The following RFX2 variants were observed in gnomAD, a reference collection of about 807,000 sequenced individuals.
RFX2 encodes regulatory factor X2.
A neutral mutation model predicts 87.8 loss-of-function variants in RFX2; 20 were observed. The ratio of observed to expected loss-of-function variants is 0.23; its 90% CI spans 0.16 to 0.33. The LOEUF (loss-of-function observed/expected upper bound fraction) is 0.33, where lower values mean the gene tolerates loss of function less well. RFX2 is among the 10% of genes least tolerant of loss of function. The pLI is 1.00. For synonymous variants in RFX2, 397 were observed against 431.3 expected (o/e 0.92, Z 0.98); for missense variants, 767 against 1,012.3 (o/e 0.76, Z 3.29).
Position 6,007,761 on chromosome 19 carries a change from G to T in RFX2, c.1176C>A (p.Ile392=), listed in dbSNP as rs189822363. 3 of 1,555,222 alleles carry T rather than the reference G, an allele frequency of 1.9e-6. No individual in the cohort carries two copies. Among genetic ancestry groups the T allele is most frequent in the Non-Finnish European group, 2.6e-6 (3 of 1,148,416 alleles). The part of the protein sequence containing the change: ...DVVMNLQFHY[I]EKLWLSFWNS... ...TCCAGAAGGAGAGCCACAGCTTCTC[G>T]ATGTAGTGGAACTGGAGGTTCATCA... The change falls in exon 11 of 18, where the codon ATC becomes ATA. Residue 392 remains isoleucine (I), a synonymous_variant. Coordinates refer to ENST00000303657, the MANE Select transcript of RFX2 (RefSeq NM_000635.4). The surrounding 1 kb of genome is among the most constrained non-coding windows in gnomAD (Gnocchi z 8.2).
In RFX2 at chr19:6,011,650, T is replaced by C. The variant is rs1359042796; in HGVS notation, c.899+1336A>G. On this transcript the variant is annotated intron_variant, in intron 8 of 17. Transcript: ENST00000303657. This position sits in a 1 kb window ranked among gnomAD's most constrained non-coding sequence, Gnocchi z 4.8. ...CAACAGCAGTGAGCTCCAGAGTCCA[T>C]GTCTGCAGACAACGAGGTACAGAAG... is the stretch of plus-strand genomic sequence containing the variant. Among the ~76,000 whole-genome samples, 2 of 152,236 alleles carry C rather than the reference T, an allele frequency of 1.3e-5. No homozygotes were observed. Among genetic ancestry groups the C allele is most frequent in the African/African-American group, 2.4e-5 (1 of 41,458 alleles).
rs900884554 is a variant in RFX2 at position 6,056,233 on chromosome 19, G to C, written c.-8-8729C>G. Among the ~76,000 whole-genome samples, 3 of 152,338 alleles carry C rather than the reference G, an allele frequency of 2.0e-5. No homozygotes were observed. The East Asian group carries it at 5.8e-4, about 29-fold the overall frequency. On this transcript the variant is annotated intron_variant, in intron 1 of 17. Coordinates refer to ENST00000303657, the MANE Select transcript of RFX2 (RefSeq NM_000635.4). This position sits in a 1 kb window ranked among gnomAD's most constrained non-coding sequence, Gnocchi z 4.6. Reference sequence around the variant, plus strand: ...ATACAAGGGTGGAGAGGAGGACGGAGAGTGGGTACAGGTATCCAGGTGTTA... The same window carrying C: ...ATACAAGGGTGGAGAGGAGGACGGACAGTGGGTACAGGTATCCAGGTGTTA...
Position 6,084,791 on chromosome 19 carries a change from C to T in RFX2, c.-9+25602G>A, listed in dbSNP as rs372596128. On this transcript the variant is annotated intron_variant, in intron 1 of 17. Transcript: ENST00000303657. Reference sequence around the variant, plus strand: ...CTGGGATTACAGGTGCCTGCCACCACGCCCGGCTAATTTTATATTTTTAGT... The same window carrying T: ...CTGGGATTACAGGTGCCTGCCACCATGCCCGGCTAATTTTATATTTTTAGT... Among the ~76,000 whole-genome samples, 12 of 152,166 alleles carry T rather than the reference C, an allele frequency of 7.9e-5. No homozygotes were observed. In the East Asian group the frequency reaches 1.4e-3, roughly 17 times the overall value.
chr19:6,106,966 T>G (rs2088226052), intron 1 of RFX2, among the ~76,000 whole-genome samples: 1 of 151,862 alleles, frequency 6.6e-6, no homozygotes, highest in Non-Finnish European at 1.5e-5. Flanking sequence ...GGCCCCAGCA[T>G]TTTATGAGCA....
chr19:6,007,966 G>T lies in RFX2; in HGVS notation c.1134+140C>A, dbSNP rs2086606221. On this transcript the variant is annotated intron_variant, in intron 10 of 17. Coordinates refer to ENST00000303657, the MANE Select transcript of RFX2 (RefSeq NM_000635.4). The surrounding 1 kb of genome is among the most constrained non-coding windows in gnomAD (Gnocchi z 8.2). ...GCAGGCGATGGACATGGATGCGGAG[G>T]GGCTGCTGCTTCAGAGAGGATGCTT... 5.0e-6 allele frequency: 4 copies of T among 792,382 alleles called. No homozygotes were observed. The highest frequency in any genetic ancestry group is 8.6e-6 in the Non-Finnish European group (4 of 462,632). 49.1% of individuals were successfully genotyped at this position (792,382 alleles called of 1,614,324 possible). A position where few individuals can be genotyped will look rare whatever the true frequency, so the allele number is the denominator to read the frequency against.
intron 5 of RFX2, among the ~76,000 whole-genome samples, chr19:6,033,960 C>T (rs1195620044): frequency 1.3e-5 from 2 of 152,232 alleles, no homozygotes; most frequent in African/African-American, 4.8e-5. Flanking sequence ...GAGCGATTAT[C>T]ATCATGTGTG....
At chr19:6,005,999 A>G (rs2086574720) in intron 12 of RFX2, among the ~76,000 whole-genome samples, 1 of 152,162 alleles carries the variant, frequency 6.6e-6, no homozygotes, top group Admixed American at 6.5e-5. Flanking sequence ...GCATGCCCCC[A>G]GTGAACCTTC....
chr19:6,051,011 G>A (rs192240958), intron 1 of RFX2, among the ~76,000 whole-genome samples: 23 of 152,210 alleles, frequency 1.5e-4, no homozygotes, highest in African/African-American at 4.6e-4. Context: ...TGCTGGGGGG[G>A]AAAACCCTAT....
Position 5,994,925 on chromosome 19 carries a change from G to T in RFX2, c.2082C>A (p.Gly694=), listed in dbSNP as rs751866553. 2.5e-5 allele frequency: 40 copies of T among 1,608,320 alleles called. No homozygotes were observed. The highest frequency in any genetic ancestry group is 3.3e-5 in the Non-Finnish European group (39 of 1,179,820). Residue 694 remains glycine (G), a synonymous_variant, in exon 18 of 18, where the codon GGC becomes GGA. Transcript: ENST00000303657. ...DKDDMGDEQR[G]SEAGPDARSL... ...TGCGGGCGTCTGGGCCCGCCTCGCT[G>T]CCACGCTGCTCATCGCCCATGTCAT...
chr19:6,010,337 G>A lies in RFX2; in HGVS notation c.900-86C>T. On this transcript the variant is annotated intron_variant, in intron 8 of 17. Coordinates refer to ENST00000303657, the MANE Select transcript of RFX2 (RefSeq NM_000635.4). The surrounding 1 kb of genome is among the most constrained non-coding windows in gnomAD (Gnocchi z 5.0). ...AGACTGGGGGGCTGGGCAGGATTCA[G>A]TCAGGCATGTGTGTGTGATGTTTAC... 1 of 828,746 alleles carries A rather than the reference G, an allele frequency of 1.2e-6. No individual in the cohort carries two copies. The allele number at this position is 828,746 out of a possible 1,614,324, so 51.3% of individuals were successfully genotyped here.
At position 6,001,752 on chromosome 19, in the gene RFX2, C is replaced by G; in HGVS notation, c.1859+63G>C. ...GCTCACCAGCCGAGCCCCCTACCCT[C>G]TAGAAGTTTCTCTCAGAGCCCCCCA... On this transcript the variant is annotated intron_variant, in intron 15 of 17. Coordinates refer to ENST00000303657, the MANE Select transcript of RFX2 (RefSeq NM_000635.4). The surrounding 1 kb of genome is among the most constrained non-coding windows in gnomAD (Gnocchi z 5.6). 6.9e-7 allele frequency: 1 copy of G among 1,442,990 alleles called. No individual in the cohort carries two copies. The allele number at this position is 1,442,990 out of a possible 1,614,324, so 89.4% of individuals were successfully genotyped here.
chr19:6,088,495 G>T (rs1224321311), intron 1 of RFX2, among the ~76,000 whole-genome samples: 1 of 150,880 alleles, frequency 6.6e-6, no homozygotes, highest in Non-Finnish European at 1.5e-5. Context: ...CCAGGCTTGA[G>T]TCACCATGCC....
chr19:6,034,192 T>C (rs2144750541), intron 5 of RFX2, among the ~76,000 whole-genome samples: 1 of 150,330 alleles, frequency 6.7e-6, no homozygotes, highest in South Asian at 2.1e-4. Flanking sequence ...CACCTCAGCC[T>C]CCTTAGTAGC....
chr19:6,006,986 G>A (rs200931158), intron 12 of RFX2, 26 bp downstream of exon 12: 41 of 1,611,574 alleles, frequency 2.5e-5, no homozygotes, highest in African/African-American at 6.7e-5. Context: ...ATGGAGCAGC[G>A]CCGGGCGGGG....
chr19:6,042,237 C>T (rs1210108939), intron 3 of RFX2, 114 bp from the exon 4 acceptor site: 4 of 910,400 alleles, frequency 4.4e-6, no homozygotes, highest in Admixed American at 1.9e-5. Context: ...TACCAAATGA[C>T]AATGTTCCCG....
In RFX2 at chr19:5,997,452, A is replaced by C. The variant is rs1484687644; in HGVS notation, c.1860-239T>G. Reference sequence around the variant, plus strand: ...CAGTTCCAGAGACCACCTGGGGAACAGGAGAGGGAGATGGGCAGTCAGCCC... The same window carrying C: ...CAGTTCCAGAGACCACCTGGGGAACCGGAGAGGGAGATGGGCAGTCAGCCC... On this transcript the variant is annotated intron_variant, in intron 15 of 17. Transcript: ENST00000303657. The surrounding 1 kb of genome is among the most constrained non-coding windows in gnomAD (Gnocchi z 4.2). 6 of 461,032 alleles carry C rather than the reference A, an allele frequency of 1.3e-5. No homozygotes were observed. The highest frequency in any genetic ancestry group is 2.3e-5 in the Non-Finnish European group (6 of 260,872). The allele number at this position is 461,032 out of a possible 1,614,324, so 28.6% of individuals were successfully genotyped here. A position where few individuals can be genotyped will look rare whatever the true frequency, so the allele number is the denominator to read the frequency against.
In RFX2 at chr19:6,023,201, T is replaced by G. The variant is rs2086842733; in HGVS notation, c.597+2962A>C. The G allele has an allele frequency of 6.6e-6, 1 of 152,512 alleles. No homozygotes were observed. The highest frequency in any genetic ancestry group is 2.4e-5 in the African/African-American group (1 of 41,470). 9.4% of individuals were successfully genotyped at this position (152,512 alleles called of 1,614,324 possible). A position where few individuals can be genotyped will look rare whatever the true frequency, so the allele number is the denominator to read the frequency against. ...CTGGGGCGACCTGCCTGGGGCTGTCTGAGAAGGGAGGTCTGGGAGGCCACT... is the reference window on the plus strand; with the variant it reads ...CTGGGGCGACCTGCCTGGGGCTGTCGGAGAAGGGAGGTCTGGGAGGCCACT... On this transcript the variant is annotated intron_variant, in intron 6 of 17. Transcript: ENST00000303657. The surrounding 1 kb of genome is among the most constrained non-coding windows in gnomAD (Gnocchi z 4.9).
At chr19:6,107,219 C>T (rs1305920454) in intron 1 of RFX2, among the ~76,000 whole-genome samples, 5 of 151,950 alleles carry the variant, frequency 3.3e-5, no homozygotes, top group Non-Finnish European at 7.4e-5. Context: ...TGGTGTAAAC[C>T]TCGGGGGTGG....
At chr19:5,995,314 C>T (rs989404837) in intron 17 of RFX2, among the ~76,000 whole-genome samples, 4 of 152,134 alleles carry the variant, frequency 2.6e-5, no homozygotes, top group African/African-American at 9.7e-5. Flanking sequence ...TCCTGCTGGG[C>T]GTGGGCGCAG....
Sources: gnomAD v4.1 joint callset for allele counts (sites outside exome capture counted in the v4.1 genomes callset) on GRCh38, gnomAD v4.1.1 for gene constraint, Gnocchi (gnomAD v3.1) non-coding constraint, MANE v1.5 for transcripts, NCBI Gene and HGNC (gene_info 2026-07-23, HGNC 2026-07-21) for gene names.